The following ETAA1 variants were observed in gnomAD, a reference collection of about 807,000 sequenced individuals.
ETAA1 encodes the protein ETAA1 activator of ATR kinase, also known as ewing's tumor-associated antigen 1.
In ETAA1, 49 loss-of-function variants were observed where a neutral mutation model predicts 76.8. The ratio of observed to expected loss-of-function variants is 0.64; its 90% CI spans 0.51 to 0.81. The LOEUF (loss-of-function observed/expected upper bound fraction) is 0.81, where lower values mean the gene tolerates loss of function less well. ETAA1 is among the 30% of genes least tolerant of loss of function. The probability of loss-of-function intolerance (pLI) is 0.00; values close to 1 mark genes in which losing one functional copy is unlikely to be tolerated. For synonymous variants in ETAA1, 373 were observed against 372.2 expected (o/e 1.00, Z -0.03); for missense variants, 1,099 against 1,074.0 (o/e 1.02, Z -0.32).
At chr2:67,398,027 G>T (rs572431568) in intron 1 of ETAA1, among the ~76,000 whole-genome samples, 121 of 152,266 alleles carry the variant, frequency 7.9e-4, no homozygotes, top group South Asian at 2.3e-3. Context: ...TTTGCCCGGA[G>T]AAGTTATTTC....
intron 5 of ETAA1, among the ~76,000 whole-genome samples, chr2:67,407,739 A>C (rs1676258433): frequency 6.6e-6 from 1 of 152,196 alleles, no homozygotes; most frequent in Non-Finnish European, 1.5e-5. Flanking sequence ...TGTTATTAAG[A>C]AAATAAGGAA....
Position 67,397,503 on chromosome 2 carries a change from A to C in ETAA1, c.55A>C (p.Lys19Gln), listed in dbSNP as rs1196399275. 2 of 1,602,638 alleles carry C rather than the reference A, an allele frequency of 1.2e-6. No homozygotes were observed. The highest frequency in any genetic ancestry group is 1.7e-5 in the Admixed American group (1 of 58,678). The change falls in exon 1 of 6, where the codon AAA becomes CAA. Residue 19 changes from lysine (K) to glutamine (Q), a missense_variant. Lys to Gln is a moderately conservative substitution (Grantham distance 53). Around this residue, in one of 3 missense-constraint regions of ETAA1, gnomAD observed 761 missense variants for 731.9 expected, o/e 1.04. Coordinates refer to ENST00000272342, the MANE Select transcript of ETAA1 (RefSeq NM_019002.4). Reference sequence around the variant, plus strand: ...CCCTAGCCCGAAGAAAACGCCGCACAAAACAGTGGCGGCGGAGGAATGCGG... The same window carrying C: ...CCCTAGCCCGAAGAAAACGCCGCACCAAACAGTGGCGGCGGAGGAATGCGG... The part of the protein sequence containing the change: ...DSPSPKKTPH[K>Q]TVAAEECGSV...
rs1300989600 is a variant in ETAA1 at position 67,411,023 on chromosome 2, T to C, written c.*985T>C. 1 of 152,098 alleles carries C rather than the reference T, an allele frequency of 6.6e-6. No homozygotes were observed. The highest frequency in any genetic ancestry group is 1.5e-5 in the Non-Finnish European group (1 of 67,970). 9.4% of individuals were successfully genotyped at this position (152,098 alleles called of 1,614,324 possible). A position where few individuals can be genotyped will look rare whatever the true frequency, so the allele number is the denominator to read the frequency against. On this transcript the variant is annotated 3_prime_UTR_variant, in exon 6 of 6. Coordinates refer to ENST00000272342, the MANE Select transcript of ETAA1 (RefSeq NM_019002.4). ...TTTCCAGGATATAAAAATGAGAATC[T>C]TTTTTCTTTTCAGTTTTTCTGTAAC...
chr2:67,404,959 T>C lies in ETAA1; in HGVS notation c.2277T>C (p.Val759=), dbSNP rs1334591179. The C allele has an allele frequency of 6.2e-7, 1 of 1,612,962 alleles. No homozygotes were observed. The highest frequency in any genetic ancestry group is 8.5e-7 in the Non-Finnish European group (1 of 1,179,346). Residue 759 remains valine (V), a synonymous_variant, in exon 5 of 6, where the codon GTT becomes GTC. Transcript: ENST00000272342. ...ATGTGTCTTATACTAACACTGATGT[T>C]CCAATACAAGTGAATAGTTCCAAAT... is the stretch of plus-strand genomic sequence containing the variant. ...NLHVSYTNTD[V]PIQVNSSKLV... is the part of the protein sequence containing the mutation.
At chr2:67,402,682 T>C (rs923185) in intron 3 of ETAA1, 180 bp from the exon 4 acceptor site, 4,678 of 318,748 alleles carry the variant, frequency 0.015, 200 homozygotes, top group African/African-American at 0.086. Flanking sequence ...TTGTAGCTTA[T>C]TATTGCTATC....
chr2:67,403,755 C>T lies in ETAA1; in HGVS notation c.1073C>T (p.Thr358Ile). Reference sequence around the variant, plus strand: ...CCCATAATGACAAAATCATGTGTGACTTCCTGTACTAAGGAGCCAGAAACT... The same window carrying T: ...CCCATAATGACAAAATCATGTGTGATTTCCTGTACTAAGGAGCCAGAAACT... ...DTPIMTKSCV[T>I]SCTKEPETSN... The change falls in exon 5 of 6, where the codon ACT becomes ATT. Residue 358 changes from threonine (T) to isoleucine (I), a missense_variant. Thr to Ile is a moderately conservative substitution (Grantham distance 89, BLOSUM62 -1). Transcript: ENST00000272342. The T allele has an allele frequency of 3.1e-6, 5 of 1,613,380 alleles. No homozygotes were observed. Among genetic ancestry groups the T allele is most frequent in the Non-Finnish European group, 4.2e-6 (5 of 1,179,458 alleles).
chr2:67,397,946 C>T (rs1572905245), intron 1 of ETAA1, among the ~76,000 whole-genome samples: 1 of 152,220 alleles, frequency 6.6e-6, no homozygotes, highest in Non-Finnish European at 1.5e-5. Flanking sequence ...GGCTGCTTTC[C>T]AGGCTGCTCC....
At chr2:67,401,363 T>C (rs868638046) in intron 3 of ETAA1, 1 of 151,968 alleles carries the variant, frequency 6.6e-6, no homozygotes, top group South Asian at 2.1e-4. Flanking sequence ...TTTTCAGAGA[T>C]AGCATTTTTT....
At position 67,403,978 on chromosome 2, in the gene ETAA1, A is replaced by C; in HGVS notation, c.1296A>C (p.Thr432=). The C allele has an allele frequency of 2.5e-6, 4 of 1,608,454 alleles. No homozygotes were observed. The highest frequency in any genetic ancestry group is 3.4e-6 in the Non-Finnish European group (4 of 1,178,046). Residue 432 remains threonine, a synonymous_variant, in exon 5 of 6, where the codon ACA becomes ACC. Transcript: ENST00000272342. ...KTVKNTSRAN[T]SPDARLGDSK... The stretch of plus-strand genomic sequence containing the variant: ...TTAAAAATACGTCAAGAGCAAATAC[A>C]AGTCCAGATGCCAGGTTAGGAGATT...
chr2:67,399,333 A>G, intron 2 of ETAA1, 36 bp downstream of exon 2: 1 of 1,546,614 alleles, frequency 6.5e-7, no homozygotes, highest in Non-Finnish European at 8.8e-7. Context: ...GTGAGTAAAT[A>G]TTTGATAAAT....
In ETAA1 at chr2:67,411,016, GA is replaced by G. The variant is rs1178306517; in HGVS notation, c.*979del. The G allele has an allele frequency of 3.3e-5, 5 of 152,034 alleles. No homozygotes were observed. The highest frequency in any genetic ancestry group is 5.9e-5 in the Non-Finnish European group (4 of 67,962). 9.4% of individuals were successfully genotyped at this position (152,034 alleles called of 1,614,324 possible). On this transcript the variant is annotated 3_prime_UTR_variant, in exon 6 of 6. Transcript: ENST00000272342. ...ATTAGTCTTTCCAGGATATAAAAAT[GA>G]GAATCTTTTTTCTTTTCAGTTTTTC... is the stretch of plus-strand genomic sequence containing the variant.
chr2:67,402,578 T>C (rs1370009497), intron 3 of ETAA1: 1 of 167,882 alleles, frequency 6.0e-6, no homozygotes, highest in Non-Finnish European at 1.3e-5. Flanking sequence ...AAATGTACAT[T>C]TGATAAATTT....
Position 67,404,471 on chromosome 2 carries a change from G to C in ETAA1, c.1789G>C (p.Asp597His). ...AATTATTAAAGCATGTCATCAATTAGATAATACCTGGGAAGCAGATGATGT... is the reference window on the plus strand; with the variant it reads ...AATTATTAAAGCATGTCATCAATTACATAATACCTGGGAAGCAGATGATGT... The part of the protein sequence containing the change: ...NEIIKACHQL[D>H]NTWEADDVDD... The change falls in exon 5 of 6, where the codon GAT becomes CAT. Residue 597 changes from aspartate to histidine, a missense_variant. Physicochemically the swap from Asp to His is moderately conservative, Grantham distance 81. Coordinates refer to ENST00000272342, the MANE Select transcript of ETAA1 (RefSeq NM_019002.4). 2 of 1,613,214 alleles carry C rather than the reference G, an allele frequency of 1.2e-6. No individual in the cohort carries two copies. The highest frequency in any genetic ancestry group is 8.5e-7 in the Non-Finnish European group (1 of 1,179,512).
Position 67,402,937 on chromosome 2 carries a change from G to A in ETAA1, c.505G>A (p.Ala169Thr). ...TGCTATTCCTTGTACTCCCAGTGTAGCAAAAGGAAAATCAAGAGCAAAAAT... is the reference window on the plus strand; with the variant it reads ...TGCTATTCCTTGTACTCCCAGTGTAACAAAAGGAAAATCAAGAGCAAAAAT... Reference protein sequence around the residue: ...ETAIPCTPSVAKGKSRAKISC... With the variant: ...ETAIPCTPSVTKGKSRAKISC... The change falls in exon 4 of 6, where the codon GCA (alanine) becomes ACA (threonine). Residue 169 changes from alanine (A) to threonine (T), a missense_variant. Around this residue, in one of 3 missense-constraint regions of ETAA1, gnomAD observed 761 missense variants for 731.9 expected, o/e 1.04. Transcript: ENST00000272342. 1 of 1,606,576 alleles carries A rather than the reference G, an allele frequency of 6.2e-7. No individual in the cohort carries two copies. Among genetic ancestry groups the A allele is most frequent in the Non-Finnish European group, 8.5e-7 (1 of 1,176,404 alleles).
intron 1 of ETAA1, 104 bp from the exon 2 acceptor site, chr2:67,399,065 C>A: frequency 1.9e-6 from 2 of 1,036,584 alleles, no homozygotes; most frequent in Non-Finnish European, 2.7e-6. Flanking sequence ...AAAAAATTAT[C>A]TTGGACTATA....
chr2:67,407,678 G>A (rs943706716), intron 5 of ETAA1, among the ~76,000 whole-genome samples: 4 of 152,014 alleles, frequency 2.6e-5, no homozygotes, highest in Non-Finnish European at 4.4e-5. Context: ...TACATATTTT[G>A]TATGCTCTTA....
Position 67,404,990 on chromosome 2 carries a change from C to T in ETAA1, c.2308C>T (p.Leu770Phe). 1 of 1,612,322 alleles carries T rather than the reference C, an allele frequency of 6.2e-7. No homozygotes were observed. ...ACAAGTGAATAGTTCCAAATTGGTT[C>T]TTCCAGGAAGTTCAAGTTTGAATGT... ...PIQVNSSKLV[L>F]PGSSSLNVTS... The change falls in exon 5 of 6, where the codon CTT (leucine) becomes TTT (phenylalanine). Residue 770 changes from leucine to phenylalanine, a missense_variant. Around this residue, in one of 3 missense-constraint regions of ETAA1, gnomAD observed 302 missense variants for 278.1 expected, o/e 1.09. Coordinates refer to ENST00000272342, the MANE Select transcript of ETAA1 (RefSeq NM_019002.4).
intron 1 of ETAA1, among the ~76,000 whole-genome samples, chr2:67,398,677 C>G (rs1489020893): frequency 6.6e-6 from 1 of 152,122 alleles, no homozygotes; most frequent in East Asian, 1.9e-4. Context: ...TGGGAATGAA[C>G]AAAAATCTTT....
Position 67,411,946 on chromosome 2 carries a change from A to G in ETAA1, c.*1908A>G, listed in dbSNP as rs1173975838. 6.6e-6 allele frequency: 1 copy of G among 151,830 alleles called. No individual in the cohort carries two copies. The highest frequency in any genetic ancestry group is 1.5e-5 in the Non-Finnish European group (1 of 67,964). 9.4% of individuals were successfully genotyped at this position (151,830 alleles called of 1,614,324 possible). ...AGAGTACTTTTAGCCTATTCTGTTCATTCATTTAGACTCAGCCTAATAAGT... is the reference window on the plus strand; with the variant it reads ...AGAGTACTTTTAGCCTATTCTGTTCGTTCATTTAGACTCAGCCTAATAAGT... On this transcript the variant is annotated 3_prime_UTR_variant, in exon 6 of 6. Transcript: ENST00000272342.
Sources: allele counts gnomAD v4.1 joint callset (sites outside exome capture counted in the v4.1 genomes callset), GRCh38; gene constraint gnomAD v4.1.1; regional missense constraint gnomAD v4.1.1; transcripts MANE v1.5; gene names NCBI Gene and HGNC (gene_info 2026-07-23, HGNC 2026-07-21).